The following PARD3 variants were observed in gnomAD, a reference collection of about 807,000 sequenced individuals.
PARD3 encodes the protein par-3 family cell polarity regulator, also known as partitioning defective 3 homolog.
Under a neutral mutation model 155.4 loss-of-function variants are expected in PARD3, and 75 were observed. That is an observed-to-expected ratio of 0.48 (90% CI 0.40 to 0.58). PARD3 has a LOEUF of 0.58. PARD3 is among the 20% of genes least tolerant of loss of function. The probability of loss-of-function intolerance (pLI) is 0.00; values close to 1 mark genes in which losing one functional copy is unlikely to be tolerated. For synonymous variants in PARD3, 576 were observed against 610.5 expected, an observed-to-expected ratio of 0.94 and a Z score of 0.83; for missense variants, 1,642 against 1,721.7, an observed-to-expected ratio of 0.95 and a Z score of 0.82.
chr10:34,205,279 T>C (rs570228244), intron 22 of PARD3, among the ~76,000 whole-genome samples: 3 of 147,526 alleles, frequency 2.0e-5, no homozygotes, highest in East Asian at 3.9e-4. Context: ...TTGTTGAACT[T>C]GCCTAATCTG....
chr10:34,375,092 A>ACACACACT, intron 10 of PARD3, 90 bp from the exon 11 acceptor site: 1 of 877,326 alleles, frequency 1.1e-6, no homozygotes, highest in Non-Finnish European at 1.8e-6. Flanking sequence ...ACACACACAC[A>ACACACACT]CACTCTAGGA....
intron 3 of PARD3, among the ~76,000 whole-genome samples, chr10:34,482,038 T>TC (rs2079118182): frequency 7.0e-6 from 1 of 143,174 alleles, no homozygotes; most frequent in Non-Finnish European, 1.5e-5. Flanking sequence ...TTATCTTTTT[T>TC]TTTTTTTTTT....
chr10:34,702,152 C>T (rs2094291358), intron 1 of PARD3, among the ~76,000 whole-genome samples: 1 of 150,638 alleles, frequency 6.6e-6, no homozygotes, highest in Non-Finnish European at 1.5e-5. Context: ...GCAACAGCAA[C>T]ACTCCGTCTC....
chr10:34,331,221 G>A lies in PARD3; in HGVS notation c.2729C>T (p.Pro910Leu), dbSNP rs781461462. ...GCATCCCCTGCCTCTGATTATCCGC[G>A]GCCGTGGACGATGGAAAGGAATATC... ...NGDIPFHRPR[P>L]RIIRGRGCNE... Residue 910 changes from proline (P) to leucine (L), a missense_variant, in exon 19 of 25, where the codon CCG becomes CTG. Physicochemically the swap from Pro to Leu is moderately conservative, Grantham distance 98. Coordinates refer to ENST00000374788, the MANE Select transcript of PARD3 (RefSeq NM_001184785.2). 29 of 1,613,828 alleles carry A rather than the reference G, an allele frequency of 1.8e-5. 1 individual carries two copies. The highest frequency in any genetic ancestry group is 2.2e-5 in the East Asian group (1 of 44,876).
chr10:34,348,895 C>T (rs1837708971), intron 14 of PARD3, among the ~76,000 whole-genome samples: 1 of 152,146 alleles, frequency 6.6e-6, no homozygotes, highest in Non-Finnish European at 1.5e-5. Context: ...ATGTATCGGG[C>T]ATTTCTTAAA....
At chr10:34,142,602 A>C (rs1316146058) in intron 22 of PARD3, among the ~76,000 whole-genome samples, 3 of 151,590 alleles carry the variant, frequency 2.0e-5, no homozygotes, top group Non-Finnish European at 4.4e-5. Flanking sequence ...GGAGGGAGGG[A>C]GGAAAGAAGG....
intron 22 of PARD3, among the ~76,000 whole-genome samples, chr10:34,227,881 T>TATATATATATATATATATATACAC (rs1199483392): frequency 2.2e-5 from 3 of 133,738 alleles, no homozygotes; most frequent in Non-Finnish European, 3.2e-5. Context: ...TATATATATA[T>TATATATATATATATATATATACAC]ATACTGGGAA....
chr10:34,281,193 T>G (rs996555092), intron 21 of PARD3, among the ~76,000 whole-genome samples: 1 of 152,098 alleles, frequency 6.6e-6, no homozygotes, highest in Admixed American at 6.6e-5. Context: ...AAACCTTTCA[T>G]GTGGTGGAAA....
chr10:34,196,568 CTTTTTTT>C (rs71523319), intron 22 of PARD3, among the ~76,000 whole-genome samples: 6 of 97,420 alleles, frequency 6.2e-5, no homozygotes, highest in African/African-American at 2.2e-4. Context: ...GTACCCTTTT[CTTTTTTT>C]TTTTTTTTTT....
intron 21 of PARD3, among the ~76,000 whole-genome samples, chr10:34,282,973 T>C (rs142501603): frequency 4.0e-4 from 61 of 152,258 alleles, no homozygotes; most frequent in African/African-American, 1.4e-3. Flanking sequence ...TCTTGCTTCA[T>C]AAATTTAAAA....
intron 2 of PARD3, among the ~76,000 whole-genome samples, chr10:34,557,784 A>C (rs1372530335): frequency 1.3e-5 from 2 of 151,890 alleles, no homozygotes; most frequent in African/African-American, 2.4e-5. Flanking sequence ...AAAACATAAA[A>C]TTAGCTAGGT....
intron 1 of PARD3, among the ~76,000 whole-genome samples, chr10:34,765,340 C>G (rs922919731): frequency 6.6e-6 from 1 of 152,152 alleles, no homozygotes. Flanking sequence ...AGCCACATTA[C>G]ATAAACCAGG....
At chr10:34,679,960 C>T (rs1339621942) in intron 2 of PARD3, among the ~76,000 whole-genome samples, 2 of 152,074 alleles carry the variant, frequency 1.3e-5, no homozygotes, top group African/African-American at 4.8e-5. Flanking sequence ...GGTGTGAGGA[C>T]AGAAAATTAC....
At chr10:34,666,816 T>TATATATATATATATATATATATACAC (rs765552982) in intron 2 of PARD3, among the ~76,000 whole-genome samples, 25 of 88,772 alleles carry the variant, frequency 2.8e-4, no homozygotes, top group African/African-American at 7.5e-4. Flanking sequence ...TATATATATA[T>TATATATATATATATATATATATACAC]ACACACACAC....
chr10:34,320,529 A>C (rs1002864926), intron 19 of PARD3, among the ~76,000 whole-genome samples: 1 of 152,338 alleles, frequency 6.6e-6, no homozygotes, highest in Non-Finnish European at 1.5e-5. Context: ...TTTTGGCAGA[A>C]GTTCAAGGGG....
intron 1 of PARD3, among the ~76,000 whole-genome samples, chr10:34,764,687 A>G (rs1837863791): frequency 6.6e-6 from 1 of 152,118 alleles, no homozygotes; most frequent in Non-Finnish European, 1.5e-5. Flanking sequence ...GTGTGTGTTA[A>G]GGGTAGTGTG....
rs1388559196 is a variant in PARD3 at position 34,131,599 on chromosome 10, G to C, written c.3420-16C>G. The C allele has an allele frequency of 6.2e-7, 1 of 1,612,496 alleles. No individual in the cohort carries two copies. The highest frequency in any genetic ancestry group is 1.1e-5 in the South Asian group (1 of 91,002). On this transcript the variant is annotated splice_polypyrimidine_tract_variant and intron_variant, in intron 22 of 24. Transcript: ENST00000374788. ...TGATCTGTTACTGAAAGAGAGATGA[G>C]GCAGCAGTGAATACCCTTCAGAAAT... is the stretch of plus-strand genomic sequence containing the variant.
At chr10:34,736,879 G>C (rs569942581) in intron 1 of PARD3, among the ~76,000 whole-genome samples, 2 of 152,222 alleles carry the variant, frequency 1.3e-5, no homozygotes, top group Non-Finnish European at 2.9e-5. Context: ...GTTTCGCCAT[G>C]TTGGCCAGGT....
intron 2 of PARD3, among the ~76,000 whole-genome samples, chr10:34,520,338 C>T (rs1321299724): frequency 6.6e-6 from 1 of 151,986 alleles, no homozygotes; most frequent in Non-Finnish European, 1.5e-5. Context: ...TACCATACCA[C>T]GGTAATTGGT....
Sources: allele counts gnomAD v4.1 joint callset (sites outside exome capture counted in the v4.1 genomes callset), GRCh38; gene constraint gnomAD v4.1.1; transcripts MANE v1.5; gene names NCBI Gene and HGNC (gene_info 2026-07-23, HGNC 2026-07-21).